Variants in CST6 observed in about 807,000 individuals in gnomAD.
CST6 encodes cystatin-M.
CST6 carries 8 observed loss-of-function variants against 10.7 expected under a neutral mutation model. The observed-to-expected ratio is 0.75, with a 90% CI of 0.44 to 1.34. The LOEUF is 1.34. Ranked by LOEUF, CST6 falls within the 40% of genes most tolerant of loss-of-function variation. The pLI, the probability that CST6 is intolerant of heterozygous loss-of-function variation, is 0.01. For synonymous variants in CST6, 100 were observed against 89.3 expected, an observed-to-expected ratio of 1.12 and a Z score of -0.68; for missense variants, 206 against 205.1, an observed-to-expected ratio of 1.00 and a Z score of -0.03.
chr11:66,012,663 C>G (rs1291781847), intron 1 of CST6, among the ~76,000 whole-genome samples, 163 bp from the exon 2 acceptor site: 8 of 15,372 alleles, frequency 5.2e-4, no homozygotes, highest in Non-Finnish European at 1.1e-3. Flanking sequence ...CCCACCAGAA[C>G]TCCCCCCCCC....
intron 1 of CST6, among the ~76,000 whole-genome samples, 155 bp from the exon 2 acceptor site, chr11:66,012,671 C>T (rs1856180532): frequency 7.1e-5 from 1 of 14,060 alleles, no homozygotes; most frequent in Non-Finnish European, 1.7e-4. Flanking sequence ...AACTCCCCCC[C>T]CCACCCCCCC....
Position 66,012,049 on chromosome 11 carries a change from C to A in CST6, c.5C>A (p.Ala2Glu). The A allele has an allele frequency of 2.6e-6, 4 of 1,554,994 alleles. No homozygotes were observed. Among genetic ancestry groups the A allele is most frequent in the Non-Finnish European group, 3.5e-6 (4 of 1,158,150 alleles). M[A>E]RSNLPLALGL... ...GCTCCGACGGCACTGACGGCCATGG[C>A]GCGTTCGAACCTCCCGCTGGCGCTG... Residue 2 changes from alanine to glutamate, a missense_variant, in exon 1 of 3, where the codon GCG becomes GAG. By Grantham distance (107) the Ala-to-Glu change is moderately radical. Coordinates refer to ENST00000312134, the MANE Select transcript of CST6 (RefSeq NM_001323.4).
At chr11:66,013,055 G>A (rs1856187027) in intron 2 of CST6, 104 bp downstream of exon 2, 1 of 1,451,186 alleles carries the variant, frequency 6.9e-7, no homozygotes, top group Admixed American at 1.9e-5. Flanking sequence ...CTAGATGTCT[G>A]GCTGAACCTG....
chr11:66,012,455 C>G (rs1590674627), intron 1 of CST6, among the ~76,000 whole-genome samples, 171 bp downstream of exon 1: 1 of 152,218 alleles, frequency 6.6e-6, no homozygotes, highest in East Asian at 1.9e-4. Context: ...ATCTAAATTT[C>G]AAGGAAAGAC....
At position 66,013,043 on chromosome 11, in the gene CST6, G is replaced by A. The variant is rs761455477; in HGVS notation, c.366+92G>A. On this transcript the variant is annotated intron_variant, in intron 2 of 2. Coordinates refer to ENST00000312134, the MANE Select transcript of CST6 (RefSeq NM_001323.4). ...AACTGGTTTGGCTGGACACGTAGAT[G>A]TCTAGATGTCTGGCTGAACCTGTCG... 4 of 1,492,564 alleles carry A rather than the reference G, an allele frequency of 2.7e-6. No individual in the cohort carries two copies. The African/African-American group carries it at 4.2e-5, about 16-fold the overall frequency. The allele number at this position is 1,492,564 out of a possible 1,614,324, so 92.5% of individuals were successfully genotyped here. A position where few individuals can be genotyped will look rare whatever the true frequency, so the allele number is the denominator to read the frequency against.
At chr11:66,012,310 G>C in intron 1 of CST6, 26 bp downstream of exon 1, 3 of 1,565,412 alleles carry the variant, frequency 1.9e-6, no homozygotes, top group Non-Finnish European at 2.6e-6. Context: ...TGCTGGGAGG[G>C]GACACCCGGC....
Position 66,012,789 on chromosome 11 carries a change from T to A in CST6, c.241-37T>A, listed in dbSNP as rs376055501. The A allele has an allele frequency of 2.2e-5, 34 of 1,554,860 alleles. No individual in the cohort carries two copies. The African/African-American group carries it at 3.0e-4, about 14-fold the overall frequency. ...AGAGGTGAGAAGTGAGGATCAAGGG[T>A]CAAGACCCCTGACCTGCCCCTACCC... On this transcript the variant is annotated intron_variant, in intron 1 of 2. Transcript: ENST00000312134.
chr11:66,012,674 A>AACCCCCCCCCCCCCCC, intron 1 of CST6, 152 bp from the exon 2 acceptor site: 1 of 39,864 alleles, frequency 2.5e-5, no homozygotes, highest in Non-Finnish European at 5.8e-5. Context: ...TCCCCCCCCC[A>AACCCCCCCCCCCCCCC]CCCCCCCCCA....
chr11:66,013,278 T>C, intron 2 of CST6, 39 bp from the exon 3 acceptor site: 1 of 1,577,914 alleles, frequency 6.3e-7, no homozygotes, highest in Non-Finnish European at 8.7e-7. Context: ...AGGTCGAGGC[T>C]GGGCTCACCC....
At chr11:66,012,682 C>CCT (rs1856181623) in intron 1 of CST6, 144 bp from the exon 2 acceptor site, 1 of 62,568 alleles carries the variant, frequency 1.6e-5, no homozygotes, top group African/African-American at 8.8e-5. Context: ...CCACCCCCCC[C>CCT]CACCCCCCCC....
chr11:66,012,081 G>A lies in CST6; in HGVS notation c.37G>A (p.Ala13Thr). 6.4e-7 allele frequency: 1 copy of A among 1,569,178 alleles called. No individual in the cohort carries two copies. Among genetic ancestry groups the A allele is most frequent in the Non-Finnish European group, 8.6e-7 (1 of 1,166,174 alleles). ...GAACCTCCCGCTGGCGCTGGGCCTGGCCCTGGTCGCATTCTGCCTCCTGGC... is the reference window on the plus strand; with the variant it reads ...GAACCTCCCGCTGGCGCTGGGCCTGACCCTGGTCGCATTCTGCCTCCTGGC... ...RSNLPLALGL[A>T]LVAFCLLALP... The change falls in exon 1 of 3, where the codon GCC becomes ACC. Residue 13 changes from alanine to threonine, a missense_variant. Transcript: ENST00000312134.
intron 2 of CST6, 158 bp downstream of exon 2, chr11:66,013,109 A>G (rs1856187603): frequency 8.9e-7 from 1 of 1,121,684 alleles, no homozygotes; most frequent in Non-Finnish European, 1.3e-6. Flanking sequence ...GATGGGGTGC[A>G]GAAAGGAAGC....
rs1288504930 is a variant in CST6 at position 66,012,017 on chromosome 11, T to C, written c.-28T>C. On this transcript the variant is annotated 5_prime_UTR_variant, in exon 1 of 3. Coordinates refer to ENST00000312134, the MANE Select transcript of CST6 (RefSeq NM_001323.4). ...CGGCCGCAAGCTCGGCACTCACGGC[T>C]CTGAGGGCTCCGACGGCACTGACGG... is the stretch of plus-strand genomic sequence containing the variant. 1.3e-5 allele frequency: 19 copies of C among 1,508,346 alleles called. No homozygotes were observed. The highest frequency in any genetic ancestry group is 1.7e-5 in the Non-Finnish European group (19 of 1,136,350). 93.4% of individuals were successfully genotyped at this position (1,508,346 alleles called of 1,614,324 possible).
Position 66,012,928 on chromosome 11 carries a change from C to CT in CST6, c.344dup (p.Ala116GlyfsTer12). On this transcript the variant is annotated frameshift_variant, in exon 2 of 3. Coordinates refer to ENST00000312134, the MANE Select transcript of CST6 (RefSeq NM_001323.4). LOFTEE classifies it low-confidence loss of function (END_TRUNC). ...CCACGTCGACCTCACCACTTGCCCC[C>CT]TGGCAGCAGGGGCGCAGCAGGAGGT... 6.2e-7 allele frequency: 1 copy of CT among 1,613,756 alleles called. No individual in the cohort carries two copies. The highest frequency in any genetic ancestry group is 8.5e-7 in the Non-Finnish European group (1 of 1,179,942).
rs1856171238 is a variant in CST6, at chr11:66,012,031, C to T, written c.-14C>T. 6.5e-7 allele frequency: 1 copy of T among 1,526,794 alleles called. No individual in the cohort carries two copies. 94.6% of individuals were successfully genotyped at this position (1,526,794 alleles called of 1,614,324 possible). ...GCACTCACGGCTCTGAGGGCTCCGA[C>T]GGCACTGACGGCCATGGCGCGTTCG... is the stretch of plus-strand genomic sequence containing the variant. On this transcript the variant is annotated 5_prime_UTR_variant, in exon 1 of 3. It adds an upstream start codon to the 5' untranslated region. Transcript: ENST00000312134.
Position 66,013,236 on chromosome 11 carries a change from G to A in CST6, c.367-81G>A. Reference sequence around the variant, plus strand: ...TCCCTCTCTTGGCCTGGAGCAGCCTGGCAGGCAGAGGGCTGGCTGTTGGGA... The same window carrying A: ...TCCCTCTCTTGGCCTGGAGCAGCCTAGCAGGCAGAGGGCTGGCTGTTGGGA... On this transcript the variant is annotated intron_variant, in intron 2 of 2. Coordinates refer to ENST00000312134, the MANE Select transcript of CST6 (RefSeq NM_001323.4). 11 of 1,328,860 alleles carry A rather than the reference G, an allele frequency of 8.3e-6. No homozygotes were observed. In the South Asian group the frequency reaches 1.1e-4, roughly 13 times the overall value. The allele number at this position is 1,328,860 out of a possible 1,614,324, so 82.3% of individuals were successfully genotyped here. A position where few individuals can be genotyped will look rare whatever the true frequency, so the allele number is the denominator to read the frequency against.
At position 66,012,258 on chromosome 11, in the gene CST6, A is replaced by G; in HGVS notation, c.214A>G (p.Thr72Ala). 1 of 1,605,438 alleles carries G rather than the reference A, an allele frequency of 6.2e-7. No individual in the cohort carries two copies. The highest frequency in any genetic ancestry group is 8.5e-7 in the Non-Finnish European group (1 of 1,175,666). The change falls in exon 1 of 3, where the codon ACG becomes GCG. Residue 72 changes from threonine to alanine, a missense_variant. By Grantham distance (58) the Thr-to-Ala change is moderately conservative (BLOSUM62 0). Coordinates refer to ENST00000312134, the MANE Select transcript of CST6 (RefSeq NM_001323.4). ...CAACAGCATCTACTACTTCCGAGAC[A>G]CGCACATCATCAAGGCGCAGAGCCA... ...GSNSIYYFRD[T>A]HIIKAQSQLV...
intron 2 of CST6, 36 bp downstream of exon 2, chr11:66,012,987 A>T (rs1167007541): frequency 3.1e-6 from 5 of 1,609,508 alleles, no homozygotes; most frequent in Non-Finnish European, 1.7e-6. Flanking sequence ...AGCCCTCCCC[A>T]GAGCCTCAGG....
At chr11:66,012,659 A>G (rs1856179616) in intron 1 of CST6, among the ~76,000 whole-genome samples, 167 bp from the exon 2 acceptor site, 1 of 70,858 alleles carries the variant, frequency 1.4e-5, no homozygotes, top group Non-Finnish European at 2.7e-5. Flanking sequence ...CATCCCCACC[A>G]GAACTCCCCC....
Sources: gnomAD v4.1 joint callset for allele counts (sites outside exome capture counted in the v4.1 genomes callset) on GRCh38, gnomAD v4.1.1 for gene constraint, MANE v1.5 for transcripts, NCBI Gene and HGNC (gene_info 2026-07-23, HGNC 2026-07-21) for gene names.